PATL2: variants seen among roughly 807,000 people sequenced by gnomAD.
PATL2 encodes the protein protein PAT1 homolog 2.
In PATL2, 73 loss-of-function variants were observed where a neutral mutation model predicts 77.0. The observed-to-expected ratio is 0.95, with a 90% confidence interval of 0.78 to 1.15. PATL2 has a LOEUF of 1.15. Among genes scored for constraint, PATL2 ranks in the 50% most tolerant of loss-of-function variants. The pLI is 0.00. For synonymous variants in PATL2, 265 were observed against 257.1 expected (o/e 1.03, Z -0.29); for missense variants, 618 against 655.4 (o/e 0.94, Z 0.62).
rs550951239 is a variant in PATL2, at chr15:44,686,030, C to A, written c.-75-9465G>T. 1.0e-3 allele frequency among the ~76,000 whole-genome samples: 156 copies of A among 152,200 alleles called. 1 individual carries two copies. Among genetic ancestry groups the A allele is most frequent in the African/African-American group, 3.6e-3 (149 of 41,548 alleles). ...AGAAAATTAACAAGGATATTCAGGACTTGAACTCAGCTCTGGACCAAGTGG... is the reference window on the plus strand; with the variant it reads ...AGAAAATTAACAAGGATATTCAGGAATTGAACTCAGCTCTGGACCAAGTGG... On this transcript the variant is annotated intron_variant, in intron 3 of 17. Coordinates refer to ENST00000682850, the MANE Select transcript of PATL2 (RefSeq NM_001387263.1).
intron 3 of PATL2, among the ~76,000 whole-genome samples, chr15:44,685,607 C>CA (rs745919182): frequency 2.4e-3 from 267 of 112,600 alleles, no homozygotes; most frequent in African/African-American, 3.0e-3. Context: ...GACTCTGTCT[C>CA]AAAAAAAAAA....
intron 3 of PATL2, among the ~76,000 whole-genome samples, chr15:44,697,030 A>C (rs2141256123): frequency 6.6e-6 from 1 of 152,296 alleles, no homozygotes; most frequent in Non-Finnish European, 1.5e-5. Context: ...TTTAACCAAG[A>C]GGTACTTTGG....
intron 3 of PATL2, among the ~76,000 whole-genome samples, chr15:44,685,055 T>C (rs2086222876): frequency 6.6e-6 from 1 of 152,106 alleles, no homozygotes; most frequent in African/African-American, 2.4e-5. Flanking sequence ...GCTGAGAGAT[T>C]TTGTCACCAA....
chr15:44,691,038 T>C (rs1595982663), intron 3 of PATL2, among the ~76,000 whole-genome samples: 3 of 151,576 alleles, frequency 2.0e-5, no homozygotes, highest in African/African-American at 7.2e-5. Flanking sequence ...TTTAAATTTA[T>C]ATTTTAATTA....
intron 3 of PATL2, among the ~76,000 whole-genome samples, chr15:44,703,511 G>A (rs572770002): frequency 3.9e-5 from 6 of 151,954 alleles, no homozygotes; most frequent in East Asian, 1.9e-4. Context: ...TACTCTGGCC[G>A]AATTAACCTC....
chr15:44,668,521 C>G, intron 14 of PATL2, 39 bp from the exon 15 acceptor site: 1 of 1,542,144 alleles, frequency 6.5e-7, no homozygotes, highest in Non-Finnish European at 8.8e-7. Flanking sequence ...AATTCCACTA[C>G]AACTTCACCT....
chr15:44,667,762 G>A (rs1227015848), intron 15 of PATL2, among the ~76,000 whole-genome samples: 2 of 152,158 alleles, frequency 1.3e-5, no homozygotes, highest in Admixed American at 1.3e-4. Context: ...GGCCAACATG[G>A]TGAAACCATG....
At chr15:44,678,580 C>T (rs1241988414) in intron 3 of PATL2, among the ~76,000 whole-genome samples, 1 of 152,148 alleles carries the variant, frequency 6.6e-6, no homozygotes, top group Non-Finnish European at 1.5e-5. Flanking sequence ...GTGAATAAAG[C>T]AGATGCTTCC....
chr15:44,671,983 T>C, intron 9 of PATL2, 32 bp downstream of exon 9: 2 of 1,549,910 alleles, frequency 1.3e-6, no homozygotes, highest in Non-Finnish European at 1.7e-6. Flanking sequence ...TGACCCAAGG[T>C]CAGAGGCTGG....
intron 5 of PATL2, 75 bp from the exon 6 acceptor site, chr15:44,674,305 G>C: frequency 8.7e-7 from 1 of 1,153,348 alleles, no homozygotes; most frequent in Non-Finnish European, 1.2e-6. Flanking sequence ...GTGTTTTTGA[G>C]GTGGTGGGAG....
chr15:44,672,241 T>C, intron 8 of PATL2, 85 bp from the exon 9 acceptor site: 2 of 1,545,602 alleles, frequency 1.3e-6, no homozygotes, highest in Non-Finnish European at 8.8e-7. Flanking sequence ...TGGGGCTCTC[T>C]GGGAAGGATG....
chr15:44,674,017 G>A, intron 6 of PATL2, 133 bp downstream of exon 6: 1 of 789,138 alleles, frequency 1.3e-6, no homozygotes, highest in East Asian at 2.8e-5. Flanking sequence ...GCTCCTCTAT[G>A]ATGGGGCAAC....
At chr15:44,675,220 G>A (rs1195452890) in intron 5 of PATL2, 4 of 426,218 alleles carry the variant, frequency 9.4e-6, no homozygotes, top group African/African-American at 8.0e-5. Flanking sequence ...CACCTTTAAC[G>A]CTAGTAGCAG....
intron 9 of PATL2, among the ~76,000 whole-genome samples, chr15:44,670,711 C>T (rs2085630450): frequency 6.6e-6 from 1 of 152,232 alleles, no homozygotes. Context: ...AAACCTGTTC[C>T]AGCGTCTGTA....
chr15:44,678,972 A>C lies in PATL2; in HGVS notation c.-75-2407T>G, dbSNP rs545207118. Among the ~76,000 whole-genome samples, 10 of 152,276 alleles carry C rather than the reference A, an allele frequency of 6.6e-5. No individual in the cohort carries two copies. In the South Asian group the frequency reaches 1.2e-3, roughly 19 times the overall value. On this transcript the variant is annotated intron_variant, in intron 3 of 17. Coordinates refer to ENST00000682850, the MANE Select transcript of PATL2 (RefSeq NM_001387263.1). ...TCTAGGAATTTGTCCATTACTTATA[A>C]ATTTTCAAATTTGTTGGCATAAAGT...
chr15:44,671,994 G>T, intron 9 of PATL2, 21 bp downstream of exon 9: 2 of 1,551,424 alleles, frequency 1.3e-6, no homozygotes, highest in Non-Finnish European at 1.7e-6. Flanking sequence ...CAGAGGCTGG[G>T]CTGAGTACTG....
chr15:44,675,676 C>T lies in PATL2; in HGVS notation c.32G>A (p.Cys11Tyr). Reference protein sequence around the residue: MNCLEGPGKTCGPLASEEELV... With the variant: MNCLEGPGKTYGPLASEEELV... ...CTCCTCCTCAGAAGCCAAGGGGCCA[C>T]AGGTCTTACCTGGCCCTTGGTTTAA... Residue 11 changes from cysteine (C) to tyrosine (Y), a missense_variant, in exon 5 of 18, where the codon TGT (cysteine) becomes TAT (tyrosine). Transcript: ENST00000682850. The T allele has an allele frequency of 6.5e-7, 1 of 1,550,048 alleles. No individual in the cohort carries two copies. The highest frequency in any genetic ancestry group is 8.7e-7 in the Non-Finnish European group (1 of 1,146,100).
chr15:44,704,849 C>T (rs979016010), intron 3 of PATL2, among the ~76,000 whole-genome samples: 3 of 152,100 alleles, frequency 2.0e-5, no homozygotes, highest in Non-Finnish European at 4.4e-5. Flanking sequence ...TTTATTTCTC[C>T]TTCATATTTT....
At chr15:44,688,418 A>G (rs1271587187) in intron 3 of PATL2, among the ~76,000 whole-genome samples, 3 of 152,102 alleles carry the variant, frequency 2.0e-5, no homozygotes, top group African/African-American at 7.2e-5. Context: ...AAACAAACAA[A>G]CAAACAAAGC....
Sources: allele counts gnomAD v4.1 joint callset (sites outside exome capture counted in the v4.1 genomes callset), GRCh38; gene constraint gnomAD v4.1.1; transcripts MANE v1.5; gene names NCBI Gene and HGNC (gene_info 2026-07-23, HGNC 2026-07-21).